Variants in SREBF1 observed in about 807,000 individuals in gnomAD.
The protein encoded by SREBF1 is sterol regulatory element-binding protein 1.
In SREBF1, 45 loss-of-function variants were observed where a neutral mutation model predicts 100.1. The ratio of observed to expected loss-of-function variants is 0.45; its 90% CI spans 0.35 to 0.58. The LOEUF is 0.58. SREBF1 is among the 20% of genes least tolerant of loss of function. The pLI is 0.00. For synonymous variants in SREBF1, 657 were observed against 681.8 expected, an observed-to-expected ratio of 0.96 and a Z score of 0.57; for missense variants, 1,324 against 1,539.4, an observed-to-expected ratio of 0.86 and a Z score of 2.34.
Position 17,812,825 on chromosome 17 carries a change from G to GCC in SREBF1, c.3239_3240dup (p.Pro1081GlyfsTer127). The GCC allele has an allele frequency of 6.8e-7, 1 of 1,477,418 alleles. No individual in the cohort carries two copies. The highest frequency in any genetic ancestry group is 1.3e-5 in the South Asian group (1 of 75,794). 91.5% of individuals were successfully genotyped at this position (1,477,418 alleles called of 1,614,324 possible). On this transcript the variant is annotated frameshift_variant, in exon 19 of 19. Coordinates refer to ENST00000261646, the MANE Select transcript of SREBF1 (RefSeq NM_004176.5). LOFTEE classifies it high-confidence loss of function. ...GCCTCCGCGTGCTCCCGCCGCGTGG[G>GCC]CCGCGGCTCCAGCTCCGCCACCGCG...
chr17:17,816,844 G>A, intron 9 of SREBF1, 114 bp downstream of exon 9: 1 of 1,589,690 alleles, frequency 6.3e-7, no homozygotes, highest in East Asian at 2.2e-5. Flanking sequence ...CTAGGCACAG[G>A]GAGGACGGGA....
rs952429237 is a variant in SREBF1 at position 17,819,068 on chromosome 17, G to A, written c.1013C>T (p.Ser338Phe). 6.8e-6 allele frequency: 11 copies of A among 1,613,896 alleles called. No homozygotes were observed. The highest frequency in any genetic ancestry group is 2.7e-5 in the African/African-American group (2 of 74,934). ...GAGCTCAATGATTTTGTCATTGATGGAGGAGCGGTAGCGCTTCTCAATGGC... is the reference window on the plus strand; with the variant it reads ...GAGCTCAATGATTTTGTCATTGATGAAGGAGCGGTAGCGCTTCTCAATGGC... Reference protein sequence around the residue: ...HNAIEKRYRSSINDKIIELKD... With the variant: ...HNAIEKRYRSFINDKIIELKD... Residue 338 changes from serine to phenylalanine, a missense_variant, in exon 5 of 19, where the codon TCC becomes TTC. Transcript: ENST00000261646.
chr17:17,833,474 T>TATATAC (rs761650350), intron 1 of SREBF1, among the ~76,000 whole-genome samples: 42 of 110,676 alleles, frequency 3.8e-4, no homozygotes, highest in African/African-American at 1.5e-3. Context: ...TATATATATA[T>TATATAC]ACACACACAC....
Position 17,817,252 on chromosome 17 carries a change from C to T in SREBF1, c.1606+4G>A. On this transcript the variant is annotated splice_donor_region_variant and intron_variant, in intron 8 of 18. Coordinates refer to ENST00000261646, the MANE Select transcript of SREBF1 (RefSeq NM_004176.5). The surrounding 1 kb of genome is among the most constrained non-coding windows in gnomAD (Gnocchi z 6.6). ...CCAAAGATGCCCAGGCTGGCCGGTC[C>T]CACCTCTGCTCTCGGTGCCCAGCAC... is the stretch of plus-strand genomic sequence containing the variant. 6.2e-7 allele frequency: 1 copy of T among 1,608,310 alleles called. No individual in the cohort carries two copies. The highest frequency in any genetic ancestry group is 1.3e-5 in the African/African-American group (1 of 75,002).
intron 11 of SREBF1, 82 bp from the exon 12 acceptor site, chr17:17,816,110 C>A (rs755642616): frequency 3.2e-5 from 50 of 1,552,788 alleles, no homozygotes; most frequent in Admixed American, 1.9e-4. Flanking sequence ...GGCCTGGAGT[C>A]CCCCTGGTAA....
Position 17,812,113 on chromosome 17 carries a change from C to T in SREBF1, c.*509G>A, listed in dbSNP as rs1598105763. ...TTCATTTTTAATTCTCTGTACAAAA[C>T]TTCTCAATCTATGAAAATAAAGTTT... On this transcript the variant is annotated 3_prime_UTR_variant, in exon 19 of 19. Coordinates refer to ENST00000261646, the MANE Select transcript of SREBF1 (RefSeq NM_004176.5). 2.4e-6 allele frequency: 1 copy of T among 425,288 alleles called. No individual in the cohort carries two copies. The highest frequency in any genetic ancestry group is 7.4e-5 in the East Asian group (1 of 13,488). 26.3% of individuals were successfully genotyped at this position (425,288 alleles called of 1,614,324 possible). A position where few individuals can be genotyped will look rare whatever the true frequency, so the allele number is the denominator to read the frequency against.
intron 1 of SREBF1, among the ~76,000 whole-genome samples, chr17:17,829,230 A>G (rs1251218365): frequency 5.3e-5 from 7 of 133,252 alleles, no homozygotes; most frequent in African/African-American, 2.2e-4. Flanking sequence ...ATATATATAT[A>G]TATATGTATA....
At position 17,819,022 on chromosome 17, in the gene SREBF1, A is replaced by G. The variant is rs1436937228; in HGVS notation, c.1059T>C (p.Thr353=). 6.2e-7 allele frequency: 1 copy of G among 1,613,306 alleles called. No homozygotes were observed. The highest frequency in any genetic ancestry group is 8.5e-7 in the Non-Finnish European group (1 of 1,180,046). Residue 353 remains threonine (T), a synonymous_variant, in exon 5 of 19, where the codon ACT becomes ACC. Coordinates refer to ENST00000261646, the MANE Select transcript of SREBF1 (RefSeq NM_004176.5). ...IIELKDLVVG[T]EAKLNKSAVL... ...GCAGGCCTCTCCACACCTTTGCCTC[A>G]GTGCCCACCACCAGATCCTTGAGCT...
intron 1 of SREBF1, among the ~76,000 whole-genome samples, chr17:17,829,340 T>C (rs1016850534): frequency 2.6e-5 from 4 of 151,426 alleles, no homozygotes; most frequent in African/African-American, 9.8e-5. Context: ...AAAGCTCATA[T>C]GAAGGCAGCA....
intron 1 of SREBF1, among the ~76,000 whole-genome samples, chr17:17,827,968 C>A (rs372517024): frequency 5.9e-5 from 9 of 152,234 alleles, no homozygotes; most frequent in African/African-American, 2.2e-4. Flanking sequence ...ACCACCCCCC[C>A]AGACCTATCC....
rs372983389 is a variant in SREBF1, at chr17:17,817,493, G to A, written c.1405-36C>T. On this transcript the variant is annotated intron_variant, in intron 7 of 18. Transcript: ENST00000261646. The surrounding 1 kb of genome is among the most constrained non-coding windows in gnomAD (Gnocchi z 6.6). Reference sequence around the variant, plus strand: ...TGGGCAGGGTGGTGAGGGCAGAATCGGAGGGACCCCAGAGAGCATGGGGCT... The same window carrying A: ...TGGGCAGGGTGGTGAGGGCAGAATCAGAGGGACCCCAGAGAGCATGGGGCT... The A allele has an allele frequency of 3.1e-5, 49 of 1,561,334 alleles. No individual in the cohort carries two copies. The South Asian group carries it at 3.7e-4, about 12-fold the overall frequency.
At chr17:17,836,223 G>A (rs990321677) in intron 1 of SREBF1, among the ~76,000 whole-genome samples, 6 of 152,234 alleles carry the variant, frequency 3.9e-5, no homozygotes, top group African/African-American at 1.4e-4. Context: ...TCGCAGACCG[G>A]GAGAACCCGA....
Position 17,816,354 on chromosome 17 carries a change from G to A in SREBF1, c.2067C>T (p.His689=). 1 of 1,582,522 alleles carries A rather than the reference G, an allele frequency of 6.3e-7. No individual in the cohort carries two copies. Among genetic ancestry groups the A allele is most frequent in the South Asian group, 1.1e-5 (1 of 86,986 alleles). Reference sequence around the variant, plus strand: ...TCAGCGCCAGGTTGGTGGCAGTGAGGTGCCCGCCTGTGTGCTTCCCTGGAA... The same window carrying A: ...TCAGCGCCAGGTTGGTGGCAGTGAGATGCCCGCCTGTGTGCTTCCCTGGAA... ...LHTMGKHTGG[H]LTATNLALSA... is the part of the protein sequence containing the mutation. The change falls in exon 11 of 19, where the codon CAC becomes CAT. Residue 689 remains histidine, a synonymous_variant. Transcript: ENST00000261646.
In SREBF1 at chr17:17,812,397, C is replaced by T. The variant is rs921177478; in HGVS notation, c.*225G>A. The stretch of plus-strand genomic sequence containing the variant: ...CCAAAATGGCTCGGCCCCTGCAGTG[C>T]CCCGATCGGCCACCAGAGGTCAGCA... On this transcript the variant is annotated 3_prime_UTR_variant, in exon 19 of 19. Transcript: ENST00000261646. 8.2e-6 allele frequency: 5 copies of T among 613,430 alleles called. No individual in the cohort carries two copies. Among genetic ancestry groups the T allele is most frequent in the African/African-American group, 5.6e-5 (3 of 53,334 alleles). The allele number at this position is 613,430 out of a possible 1,614,324, so 38.0% of individuals were successfully genotyped here.
At position 17,819,003 on chromosome 17, in the gene SREBF1, C is replaced by A; in HGVS notation, c.1068+10G>T. 6.2e-7 allele frequency: 1 copy of A among 1,612,096 alleles called. No homozygotes were observed. On this transcript the variant is annotated intron_variant, in intron 5 of 18. Coordinates refer to ENST00000261646, the MANE Select transcript of SREBF1 (RefSeq NM_004176.5). ...CACCCCGGTCTGTGCCCCTGCAGGC[C>A]TCTCCACACCTTTGCCTCAGTGCCC...
At chr17:17,829,205 AATATATATATAT>A (rs71155305) in intron 1 of SREBF1, among the ~76,000 whole-genome samples, 3 of 65,874 alleles carry the variant, frequency 4.6e-5, no homozygotes, top group Admixed American at 1.4e-4. Flanking sequence ...AAAAAAAAAA[AATATATATATAT>A]ATATATATAT....
At chr17:17,820,639 G>T in intron 1 of SREBF1, 118 bp from the exon 2 acceptor site, 2 of 1,164,668 alleles carry the variant, frequency 1.7e-6, no homozygotes, top group Non-Finnish European at 2.5e-6. Context: ...AGCTGTATGT[G>T]TGGGCAATGC....
Position 17,817,852 on chromosome 17 carries a change from GCCCTCCATGAGCACGTCTGTGTT to G in SREBF1, c.1225_1247del (p.Asn409ArgfsTer4). 1 of 1,607,746 alleles carries G rather than the reference GCCCTCCATGAGCACGTCTGTGTT, an allele frequency of 6.2e-7. No individual in the cohort carries two copies. Among genetic ancestry groups the G allele is most frequent in the Non-Finnish European group, 8.5e-7 (1 of 1,179,970 alleles). Reference sequence around the variant, plus strand: ...GTGTGTCCTCCACCTCAGTCTTCACGCCCTCCATGAGCACGTCTGTGTTCCCTCCACTGCCACAGGCCGACACC... The same window carrying G: ...GTGTGTCCTCCACCTCAGTCTTCACGCCCTCCACTGCCACAGGCCGACACC... On this transcript the variant is annotated frameshift_variant, in exon 7 of 19. Transcript: ENST00000261646. LOFTEE classifies it high-confidence loss of function. This position sits in a 1 kb window ranked among gnomAD's most constrained non-coding sequence, Gnocchi z 6.6.
intron 1 of SREBF1, among the ~76,000 whole-genome samples, chr17:17,825,711 G>A (rs1369218049): frequency 6.7e-6 from 1 of 149,646 alleles, no homozygotes; most frequent in Non-Finnish European, 1.5e-5. Flanking sequence ...GGGTTCAAGT[G>A]ACTCTCCTGC....
Sources: gnomAD v4.1 joint callset for allele counts (sites outside exome capture counted in the v4.1 genomes callset) on GRCh38, gnomAD v4.1.1 for gene constraint, Gnocchi (gnomAD v3.1) non-coding constraint, MANE v1.5 for transcripts, NCBI Gene and HGNC (gene_info 2026-07-23, HGNC 2026-07-21) for gene names.